Variants in NUDT9 observed in about 807,000 individuals in gnomAD.
NUDT9 encodes the protein ADP-ribose pyrophosphatase.
A neutral mutation model predicts 41.0 loss-of-function variants in NUDT9; 31 were observed. The observed-to-expected ratio is 0.76, with a 90% CI of 0.57 to 1.02. The LOEUF is 1.02. NUDT9 is among the 50% of genes least tolerant of loss of function. NUDT9 has a pLI of 0.00. For synonymous variants in NUDT9, 146 were observed against 147.6 expected (o/e 0.99, Z 0.08); for missense variants, 380 against 431.4 (o/e 0.88, Z 1.06).
chr4:87,447,476 G>GTTT (rs11310721), intron 4 of NUDT9, among the ~76,000 whole-genome samples: 6 of 143,162 alleles, frequency 4.2e-5, no homozygotes, highest in Non-Finnish European at 6.1e-5. Context: ...AGCATTGGAA[G>GTTT]TTTTTTTTTT....
At chr4:87,450,909 T>C (rs1186918261) in intron 5 of NUDT9, among the ~76,000 whole-genome samples, 1 of 152,190 alleles carries the variant, frequency 6.6e-6, no homozygotes, top group Non-Finnish European at 1.5e-5. Context: ...CAGAGCAACA[T>C]GAACAAATAA....
chr4:87,446,414 T>A (rs1041296539), intron 4 of NUDT9, among the ~76,000 whole-genome samples: 3 of 152,068 alleles, frequency 2.0e-5, no homozygotes, highest in Non-Finnish European at 2.9e-5. Flanking sequence ...TTTTTGTATT[T>A]AGTAGAGACA....
intron 4 of NUDT9, among the ~76,000 whole-genome samples, chr4:87,447,046 G>GT (rs1474774500): frequency 1.3e-5 from 2 of 152,136 alleles, no homozygotes; most frequent in African/African-American, 4.8e-5. Flanking sequence ...GGCTCTCTAA[G>GT]TAAACGAATT....
intron 4 of NUDT9, among the ~76,000 whole-genome samples, chr4:87,446,113 T>C (rs1236128902): frequency 1.3e-5 from 2 of 152,182 alleles, no homozygotes; most frequent in East Asian, 3.9e-4. Context: ...CCTTGTTTCA[T>C]AGTCACAACT....
rs1192966125 is a variant in NUDT9 at position 87,458,473 on chromosome 4, T to C, written c.*452T>C. 1.3e-5 allele frequency: 2 copies of C among 152,630 alleles called. No individual in the cohort carries two copies. Among genetic ancestry groups the C allele is most frequent in the Admixed American group, 1.3e-4 (2 of 15,286 alleles). The allele number at this position is 152,630 out of a possible 1,614,324, so 9.5% of individuals were successfully genotyped here. ...GAGTACCGCCACTGGATGTATAGTTTAATGTTTCATCTGATTTTTCTTTAA... is the reference window on the plus strand; with the variant it reads ...GAGTACCGCCACTGGATGTATAGTTCAATGTTTCATCTGATTTTTCTTTAA... On this transcript the variant is annotated 3_prime_UTR_variant, in exon 8 of 8. Coordinates refer to ENST00000302174, the MANE Select transcript of NUDT9 (RefSeq NM_024047.5).
At chr4:87,440,357 G>A (rs1037294788) in intron 3 of NUDT9, among the ~76,000 whole-genome samples, 5 of 152,172 alleles carry the variant, frequency 3.3e-5, no homozygotes, top group Admixed American at 6.6e-5. Flanking sequence ...CTTCATTTAT[G>A]CTTTTGTCTA....
At chr4:87,435,577 T>G (rs1721891696) in intron 2 of NUDT9, among the ~76,000 whole-genome samples, 1 of 152,234 alleles carries the variant, frequency 6.6e-6, no homozygotes, top group South Asian at 2.1e-4. Flanking sequence ...AGAATATCCT[T>G]TGTGGTTATT....
chr4:87,441,123 G>T (rs1444776616), intron 3 of NUDT9, among the ~76,000 whole-genome samples: 4 of 152,156 alleles, frequency 2.6e-5, no homozygotes, highest in Non-Finnish European at 4.4e-5. Flanking sequence ...GAGGGCAAGA[G>T]ATACAGCACC....
intron 1 of NUDT9, among the ~76,000 whole-genome samples, chr4:87,433,818 A>G (rs1365429174): frequency 6.6e-6 from 1 of 152,120 alleles, no homozygotes; most frequent in Non-Finnish European, 1.5e-5. Context: ...CAGTTATTTC[A>G]TGCCTGTATA....
At chr4:87,424,197 C>T (rs1218342687) in intron 1 of NUDT9, among the ~76,000 whole-genome samples, 1 of 149,942 alleles carries the variant, frequency 6.7e-6, no homozygotes, top group African/African-American at 2.5e-5. Context: ...CCACTGACTT[C>T]AAGCTTGAAA....
chr4:87,458,010 C>T lies in NUDT9; in HGVS notation c.1042C>T (p.His348Tyr), dbSNP rs1723064232. 6.5e-7 allele frequency: 1 copy of T among 1,541,526 alleles called. No homozygotes were observed. Among genetic ancestry groups the T allele is most frequent in the African/African-American group, 1.4e-5 (1 of 70,626 alleles). The change falls in exon 8 of 8, where the codon CAT (histidine) becomes TAT (tyrosine). Residue 348 changes from histidine (H) to tyrosine (Y), a missense_variant. His to Tyr is a moderately conservative substitution (Grantham distance 83). Coordinates refer to ENST00000302174, the MANE Select transcript of NUDT9 (RefSeq NM_024047.5). ...GAGCGAGGACTCTGAAGCTGACTGC[C>T]ATGCGTTGTAGCTGATGGTCTCCGT... ...HWSEDSEADCHAL is the reference protein window; with the variant it reads ...HWSEDSEADCYAL
rs547089438 is a variant in NUDT9 at position 87,448,854 on chromosome 4, C to CT, written c.531-281dup. On this transcript the variant is annotated intron_variant, in intron 4 of 7. Transcript: ENST00000302174. Reference sequence around the variant, plus strand: ...TTCTTTAAATTCTATTCTGCTACTTCTTTTTTTGTTAATACTTTAAGTAGT... The same window carrying CT: ...TTCTTTAAATTCTATTCTGCTACTTCTTTTTTTTGTTAATACTTTAAGTAGT... Among the ~76,000 whole-genome samples the CT allele has an allele frequency of 9.2e-5, 14 of 152,196 alleles. 1 individual carries two copies. The South Asian group carries it at 2.3e-3, about 25-fold the overall frequency.
In NUDT9 at chr4:87,422,676, G is replaced by A; in HGVS notation, c.-230G>A. On this transcript the variant is annotated 5_prime_UTR_variant, in exon 1 of 8. Transcript: ENST00000302174. ...CTGGAGGCTTCGGCGTCACGTGCTG[G>A]TCTGGATTTTTCTCGATGCACTGGG... 2.5e-6 allele frequency: 1 copy of A among 404,044 alleles called. No individual in the cohort carries two copies. Among genetic ancestry groups the A allele is most frequent in the Non-Finnish European group, 4.4e-6 (1 of 228,024 alleles). The allele number at this position is 404,044 out of a possible 1,614,324, so 25.0% of individuals were successfully genotyped here. A position where few individuals can be genotyped will look rare whatever the true frequency, so the allele number is the denominator to read the frequency against.
rs186238822 is a variant in NUDT9, at chr4:87,429,340, A to T, written c.108-5641A>T. Among the ~76,000 whole-genome samples, 86 of 152,170 alleles carry T rather than the reference A, an allele frequency of 5.7e-4. 1 individual carries two copies. The highest frequency in any genetic ancestry group is 9.6e-4 in the Non-Finnish European group (65 of 67,986). ...CTAACTTTTAAAATTTTTTGTAGAG[A>T]TAAGGGTCTCACTGTCTCACCTAGG... is the stretch of plus-strand genomic sequence containing the variant. On this transcript the variant is annotated intron_variant, in intron 1 of 7. Transcript: ENST00000302174.
intron 4 of NUDT9, among the ~76,000 whole-genome samples, chr4:87,443,375 T>C (rs1407764277): frequency 6.6e-6 from 1 of 152,220 alleles, no homozygotes; most frequent in Non-Finnish European, 1.5e-5. Context: ...GCTGTACTTA[T>C]ATGAGTAGGT....
chr4:87,425,481 G>A (rs527762710), intron 1 of NUDT9, among the ~76,000 whole-genome samples: 3 of 136,622 alleles, frequency 2.2e-5, no homozygotes, highest in South Asian at 2.4e-4. Flanking sequence ...TGCAACCTCC[G>A]CCTCCCAGGT....
chr4:87,453,053 C>G (rs1722827808), intron 6 of NUDT9, among the ~76,000 whole-genome samples: 1 of 152,104 alleles, frequency 6.6e-6, no homozygotes, highest in Non-Finnish European at 1.5e-5. Context: ...CTCAGGTGAT[C>G]CGCCTGCCTC....
intron 2 of NUDT9, among the ~76,000 whole-genome samples, chr4:87,437,410 G>C (rs917326189): frequency 6.6e-6 from 1 of 151,720 alleles, no homozygotes; most frequent in East Asian, 1.9e-4. Context: ...GCGCCATCTC[G>C]GCTCACTGGA....
At chr4:87,452,034 G>A (rs952765209) in intron 6 of NUDT9, among the ~76,000 whole-genome samples, 7 of 150,114 alleles carry the variant, frequency 4.7e-5, no homozygotes, top group African/African-American at 1.7e-4. Flanking sequence ...ATGGAGTCTC[G>A]CTCTGTCACC....
Sources: allele counts gnomAD v4.1 joint callset (sites outside exome capture counted in the v4.1 genomes callset), GRCh38; gene constraint gnomAD v4.1.1; transcripts MANE v1.5; gene names NCBI Gene and HGNC (gene_info 2026-07-23, HGNC 2026-07-21).